Variants in MYT1L observed in about 807,000 individuals in gnomAD.
MYT1L encodes myelin transcription factor 1 like.
MYT1L carries 12 observed loss-of-function variants against 126.7 expected under a neutral mutation model. The ratio of observed to expected loss-of-function variants is 0.09; its 90% confidence interval spans 0.06 to 0.15. The LOEUF (loss-of-function observed/expected upper bound fraction) is 0.15, where lower values mean the gene tolerates loss of function less well. Ranked by LOEUF, MYT1L falls within the 10% of genes least tolerant of loss-of-function variation. The pLI is 1.00. For synonymous variants in MYT1L, 541 were observed against 604.2 expected (o/e 0.90, Z 1.53); for missense variants, 979 against 1,585.2 (o/e 0.62, Z 6.49).
In MYT1L at chr2:2,170,868, C is replaced by T. The variant is rs1314556614; in HGVS notation, c.-304+2004G>A. Among the ~76,000 whole-genome samples the T allele has an allele frequency of 4.6e-5, 7 of 152,214 alleles. No homozygotes were observed. The South Asian group carries it at 8.3e-4, about 18-fold the overall frequency. ...CCTTTATGCATTGTTACCATAGCCC[C>T]GAAAGTGAGAAATGATTGGTGAGGA... On this transcript the variant is annotated intron_variant, in intron 3 of 24. Coordinates refer to ENST00000647738, the MANE Select transcript of MYT1L (RefSeq NM_001303052.2).
intron 14 of MYT1L, among the ~76,000 whole-genome samples, chr2:1,896,341 C>G (rs887608949): frequency 4.3e-4 from 66 of 152,150 alleles, no homozygotes; most frequent in African/African-American, 1.5e-3. Context: ...CTGAGATTTA[C>G]CCAAATGAAA....
intron 5 of MYT1L, among the ~76,000 whole-genome samples, chr2:1,982,057 T>C (rs545943199): frequency 1.3e-5 from 2 of 152,274 alleles, no homozygotes; most frequent in South Asian, 4.1e-4. Flanking sequence ...TTTAACTAAA[T>C]AGCACCATGA....
At chr2:2,087,954 C>T (rs1368744054) in intron 3 of MYT1L, among the ~76,000 whole-genome samples, 1 of 152,232 alleles carries the variant, frequency 6.6e-6, no homozygotes, top group Non-Finnish European at 1.5e-5. Context: ...TTTGTGATCA[C>T]GGCTGAGTTG....
chr2:1,952,709 CCCTTCCCTCCTT>C (rs2057882991), intron 8 of MYT1L, among the ~76,000 whole-genome samples: 1 of 129,404 alleles, frequency 7.7e-6, no homozygotes, highest in Non-Finnish European at 1.7e-5. Context: ...TTTCTTCCTT[CCCTTCCCTCCTT>C]CCTTCCCTTC....
Position 1,889,145 on chromosome 2 carries a change from T to C in MYT1L, c.2520+96A>G. On this transcript the variant is annotated intron_variant, in intron 16 of 24. Transcript: ENST00000647738. This position sits in a 1 kb window ranked among gnomAD's most constrained non-coding sequence, Gnocchi z 4.1. Reference sequence around the variant, plus strand: ...AAAGGTCATATTTAAAGAGAAAATATATTTTCTCATAACGTATGTGCAAAT... The same window carrying C: ...AAAGGTCATATTTAAAGAGAAAATACATTTTCTCATAACGTATGTGCAAAT... 1 of 902,686 alleles carries C rather than the reference T, an allele frequency of 1.1e-6. No homozygotes were observed. Among genetic ancestry groups the C allele is most frequent in the African/African-American group, 1.7e-5 (1 of 59,960 alleles). 55.9% of individuals were successfully genotyped at this position (902,686 alleles called of 1,614,324 possible).
chr2:2,068,235 C>T (rs1048844190), intron 3 of MYT1L, among the ~76,000 whole-genome samples: 3 of 152,112 alleles, frequency 2.0e-5, no homozygotes, highest in Non-Finnish European at 2.9e-5. Flanking sequence ...AGCTGATACC[C>T]TGGCCAGCAG....
chr2:2,186,610 C>T (rs988145340), intron 2 of MYT1L, among the ~76,000 whole-genome samples: 29 of 152,260 alleles, frequency 1.9e-4, no homozygotes, highest in South Asian at 8.3e-4. Context: ...TCTGCAGACC[C>T]GTCAACCATC....
At chr2:1,878,689 T>A (rs1328970083) in intron 18 of MYT1L, among the ~76,000 whole-genome samples, 1 of 152,204 alleles carries the variant, frequency 6.6e-6, no homozygotes, top group Non-Finnish European at 1.5e-5. Flanking sequence ...AACAGGCAAC[T>A]TCATCCCAGA....
chr2:2,171,477 A>G lies in MYT1L; in HGVS notation c.-304+1395T>C, dbSNP rs540860126. Among the ~76,000 whole-genome samples, 26 of 152,340 alleles carry G rather than the reference A, an allele frequency of 1.7e-4. No individual in the cohort carries two copies. The South Asian group carries it at 5.2e-3, about 30-fold the overall frequency. On this transcript the variant is annotated intron_variant, in intron 3 of 24. Coordinates refer to ENST00000647738, the MANE Select transcript of MYT1L (RefSeq NM_001303052.2). ...ATATTTCACTAAACGTCCTTAACTT[A>G]TTACTAAAATTCAATGAGATGAGAT...
chr2:1,840,115 A>AT (rs752779398), intron 20 of MYT1L, among the ~76,000 whole-genome samples: 24 of 152,322 alleles, frequency 1.6e-4, no homozygotes, highest in Non-Finnish European at 2.2e-4. Context: ...TGCATTACCT[A>AT]TTTATTTTGA....
intron 1 of MYT1L, chr2:2,324,043 A>G (rs983533614): frequency 1.3e-5 from 2 of 152,218 alleles, no homozygotes; most frequent in African/African-American, 4.8e-5. Context: ...AGACGGATCA[A>G]GCCGCTACCC....
In MYT1L at chr2:1,833,592, G is replaced by T. The variant is rs577370076; in HGVS notation, c.3080+5557C>A. Among the ~76,000 whole-genome samples, 17 of 152,266 alleles carry T rather than the reference G, an allele frequency of 1.1e-4. 1 individual carries two copies. The East Asian group carries it at 3.3e-3, about 29-fold the overall frequency. ...AGTTCTCCCCCTCCTTTCTGGGAGG[G>T]ATTGGCCTTTACACCTGACCTGAGG... is the stretch of plus-strand genomic sequence containing the variant. On this transcript the variant is annotated intron_variant, in intron 21 of 24. Transcript: ENST00000647738.
At chr2:1,965,703 A>G (rs964530671) in intron 8 of MYT1L, among the ~76,000 whole-genome samples, 10 of 152,214 alleles carry the variant, frequency 6.6e-5, no homozygotes, top group African/African-American at 2.4e-4. Context: ...AGGCCCCGCC[A>G]TCATCCTGAC....
At chr2:1,934,176 G>T (rs933700532) in intron 9 of MYT1L, among the ~76,000 whole-genome samples, 2 of 151,020 alleles carry the variant, frequency 1.3e-5, no homozygotes, top group African/African-American at 2.4e-5. Context: ...GGGTTTCATC[G>T]TGTTAGCCAG....
intron 18 of MYT1L, among the ~76,000 whole-genome samples, chr2:1,867,439 CTGG>C (rs2045724104): frequency 1.3e-5 from 2 of 152,208 alleles, no homozygotes; most frequent in African/African-American, 4.8e-5. Flanking sequence ...GTTCAGACGT[CTGG>C]CAGGTTTTCC....
At chr2:1,971,942 T>G (rs1274655325) in intron 8 of MYT1L, among the ~76,000 whole-genome samples, 1 of 152,182 alleles carries the variant, frequency 6.6e-6, no homozygotes, top group Non-Finnish European at 1.5e-5. Flanking sequence ...CATGTGCAAC[T>G]ATGCCATGCT....
intron 5 of MYT1L, among the ~76,000 whole-genome samples, chr2:1,987,427 G>A (rs921441255): frequency 2.6e-5 from 4 of 151,688 alleles, no homozygotes; most frequent in African/African-American, 7.3e-5. Context: ...GAGGTGCAGC[G>A]TTTCCATGGG....
At chr2:2,135,810 G>A (rs563637864) in intron 3 of MYT1L, among the ~76,000 whole-genome samples, 1 of 152,196 alleles carries the variant, frequency 6.6e-6, no homozygotes. Context: ...GGAATGCGCT[G>A]TCTTTCAGTC....
intron 4 of MYT1L, among the ~76,000 whole-genome samples, chr2:2,032,559 C>T (rs1417609418): frequency 6.8e-6 from 1 of 146,346 alleles, no homozygotes; most frequent in Non-Finnish European, 1.5e-5. Flanking sequence ...CTCCCCAGTG[C>T]CTCTCATCCT....
Sources: gnomAD v4.1 joint callset for allele counts (sites outside exome capture counted in the v4.1 genomes callset) on GRCh38, gnomAD v4.1.1 for gene constraint, Gnocchi (gnomAD v3.1) non-coding constraint, MANE v1.5 for transcripts, NCBI Gene and HGNC (gene_info 2026-07-23, HGNC 2026-07-21) for gene names.